The following MAGOH variants were observed in gnomAD, a reference collection of about 807,000 sequenced individuals.
MAGOH encodes the protein mago homolog, exon junction complex subunit.
In MAGOH, 3 loss-of-function variants were observed where a neutral mutation model predicts 20.9. The observed-to-expected ratio is 0.14, with a 90% CI of 0.07 to 0.37. The LOEUF is 0.37. Ranked by LOEUF, MAGOH falls within the 10% of genes least tolerant of loss-of-function variation. The pLI is 1.00. For synonymous variants in MAGOH, 51 were observed against 61.0 expected, an observed-to-expected ratio of 0.84 and a Z score of 0.76; for missense variants, 66 against 178.1, an observed-to-expected ratio of 0.37 and a Z score of 3.58.
At chr1:53,229,052 C>T (rs1645573579) in intron 3 of MAGOH, 98 bp from the exon 4 acceptor site, 2 of 776,808 alleles carry the variant, frequency 2.6e-6, no homozygotes, top group African/African-American at 1.7e-5. Context: ...AACTTGACTA[C>T]AGATGGCCAC....
At chr1:53,227,185 G>T in intron 4 of MAGOH, 41 bp from the exon 5 acceptor site, 2 of 1,135,268 alleles carry the variant, frequency 1.8e-6, no homozygotes, top group South Asian at 1.5e-5. Context: ...TTAAAACTTT[G>T]ACCCATCAAG....
chr1:53,227,034 C>CAAAAA lies in MAGOH; in HGVS notation c.*10_*11insTTTTT. 1 of 1,380,214 alleles carries CAAAAA rather than the reference C, an allele frequency of 7.2e-7. No individual in the cohort carries two copies. The highest frequency in any genetic ancestry group is 1.0e-6 in the Non-Finnish European group (1 of 996,960). 85.5% of individuals were successfully genotyped at this position (1,380,214 alleles called of 1,614,324 possible). ...TCCCACCCACCCCCCATGTCCACAC[C>CAAAAA]AATATTCAGTCTAGATTGGTTTAAT... is the stretch of plus-strand genomic sequence containing the variant. On this transcript the variant is annotated 3_prime_UTR_variant, in exon 5 of 5. Transcript: ENST00000371470.
Position 53,233,788 on chromosome 1 carries a change from T to C in MAGOH, c.148-136A>G, listed in dbSNP as rs1162937134. ...TCCTTAAGTGGGAAGACATTCATGC[T>C]CAACCTCGGCATGATGCAGGTGAGG... On this transcript the variant is annotated intron_variant, in intron 2 of 4. Transcript: ENST00000371470. 3 of 647,130 alleles carry C rather than the reference T, an allele frequency of 4.6e-6. No homozygotes were observed. The Admixed American group carries it at 7.6e-5, about 16-fold the overall frequency. 40.1% of individuals were successfully genotyped at this position (647,130 alleles called of 1,614,324 possible).
chr1:53,233,852 C>T, intron 2 of MAGOH, 200 bp from the exon 3 acceptor site: 1 of 499,378 alleles, frequency 2.0e-6, no homozygotes, highest in Admixed American at 3.6e-5. Context: ...ACCTCAGTCC[C>T]CTATCTAGCT....
rs139454801 is a variant in MAGOH at position 53,232,917 on chromosome 1, A to G, written c.258+625T>C. On this transcript the variant is annotated intron_variant, in intron 3 of 4. Coordinates refer to ENST00000371470, the MANE Select transcript of MAGOH (RefSeq NM_002370.4). ...GGAGTTTGAGACTAGCCTGGCCAACATGGTGAAACGCCATCTCTACTACAA... is the reference window on the plus strand; with the variant it reads ...GGAGTTTGAGACTAGCCTGGCCAACGTGGTGAAACGCCATCTCTACTACAA... 7.5e-3 allele frequency among the ~76,000 whole-genome samples: 1,140 copies of G among 152,318 alleles called. 18 individuals carry two copies. Among genetic ancestry groups the G allele is most frequent in the African/African-American group, 0.026 (1,097 of 41,556 alleles).
In MAGOH at chr1:53,238,278, C is replaced by T. The variant is rs1645626425; in HGVS notation, c.88+83G>A. ...TCAGTCCCTCCCTCCTCTAGTTCCC[C>T]ACAGATTTCCGACCCTCGGCCTCCC... On this transcript the variant is annotated intron_variant, in intron 1 of 4. Transcript: ENST00000371470. The T allele has an allele frequency of 2.3e-6, 3 of 1,282,698 alleles. No individual in the cohort carries two copies. In the East Asian group the frequency reaches 6.9e-5, roughly 30 times the overall value. The allele number at this position is 1,282,698 out of a possible 1,614,324, so 79.5% of individuals were successfully genotyped here.
rs749774597 is a variant in MAGOH, at chr1:53,235,555, TCAGAAGG to T, written c.147+15_147+21del. ...CTGAAATGTAGCAAATGAAGGACTCTCAGAAGGCAGAAGGCTCATACCTCTTTTCTGA... is the reference window on the plus strand; with the variant it reads ...CTGAAATGTAGCAAATGAAGGACTCTCAGAAGGCTCATACCTCTTTTCTGA... On this transcript the variant is annotated intron_variant, in intron 2 of 4. Transcript: ENST00000371470. The T allele has an allele frequency of 6.2e-7, 1 of 1,607,292 alleles. No homozygotes were observed. Among genetic ancestry groups the T allele is most frequent in the Admixed American group, 1.7e-5 (1 of 59,676 alleles).
intron 1 of MAGOH, among the ~76,000 whole-genome samples, chr1:53,237,370 T>C (rs1481096157): frequency 1.3e-5 from 2 of 151,566 alleles, no homozygotes; most frequent in Non-Finnish European, 2.9e-5. Context: ...ACATTTCTTC[T>C]CTGCTTAAAA....
At chr1:53,238,077 C>A (rs1013695785) in intron 1 of MAGOH, among the ~76,000 whole-genome samples, 1 of 152,202 alleles carries the variant, frequency 6.6e-6, no homozygotes, top group Non-Finnish European at 1.5e-5. Flanking sequence ...TCTCTCCCGG[C>A]AGTAAAACAC....
rs1371827678 is a variant in MAGOH, at chr1:53,238,350, G to C, written c.88+11C>G. 5.6e-6 allele frequency: 9 copies of C among 1,613,906 alleles called. No homozygotes were observed. Among genetic ancestry groups the C allele is most frequent in the Non-Finnish European group, 6.8e-6 (8 of 1,179,794 alleles). ...GGTCCCCGCTCCCGGCGGGCGGCAGGCTGCTTTTACCGTCCGGTCGAAACT... is the reference window on the plus strand; with the variant it reads ...GGTCCCCGCTCCCGGCGGGCGGCAGCCTGCTTTTACCGTCCGGTCGAAACT... On this transcript the variant is annotated intron_variant, in intron 1 of 4. Coordinates refer to ENST00000371470, the MANE Select transcript of MAGOH (RefSeq NM_002370.4).
intron 4 of MAGOH, 141 bp from the exon 5 acceptor site, chr1:53,227,285 C>T (rs1194195767): frequency 2.1e-6 from 1 of 473,850 alleles, no homozygotes; most frequent in Non-Finnish European, 3.8e-6. Flanking sequence ...GAAATGCTTA[C>T]ATTAAGTGAA....
At chr1:53,230,623 G>A (rs939128076) in intron 3 of MAGOH, among the ~76,000 whole-genome samples, 2 of 151,562 alleles carry the variant, frequency 1.3e-5, no homozygotes, top group African/African-American at 4.9e-5. Context: ...AGAAAAAAAG[G>A]TCTCACTGTG....
intron 1 of MAGOH, among the ~76,000 whole-genome samples, chr1:53,237,673 C>CAAAAAAAAAAAAAAA (rs1231950502): frequency 0.059 from 3,264 of 54,924 alleles, 364 homozygotes; most frequent in East Asian, 0.095. Context: ...AAAGCCGTCT[C>CAAAAAAAAAAAAAAA]AAAAAAAAAA....
At position 53,227,426 on chromosome 1, in the gene MAGOH, G is replaced by C. The variant is rs570478711; in HGVS notation, c.342-282C>G. On this transcript the variant is annotated intron_variant, in intron 4 of 4. Transcript: ENST00000371470. ...AGAAATACTGCAAGATAGTAATAAT[G>C]GTTGTCTGATTGATAAACTTGTGGA... Among the ~76,000 whole-genome samples, 8 of 152,212 alleles carry C rather than the reference G, an allele frequency of 5.3e-5. No homozygotes were observed. In the South Asian group the frequency reaches 1.7e-3, roughly 32 times the overall value.
chr1:53,237,673 C>CAAAAAAAAAAAAAAAA (rs1231950502), intron 1 of MAGOH, among the ~76,000 whole-genome samples: 873 of 55,158 alleles, frequency 0.016, 71 homozygotes, highest in East Asian at 0.064. Context: ...AAAGCCGTCT[C>CAAAAAAAAAAAAAAAA]AAAAAAAAAA....
At position 53,233,228 on chromosome 1, in the gene MAGOH, AC is replaced by A. The variant is rs1395981656; in HGVS notation, c.258+313del. 4 of 201,808 alleles carry A rather than the reference AC, an allele frequency of 2.0e-5. No individual in the cohort carries two copies. The East Asian group carries it at 4.9e-4, about 25-fold the overall frequency. 12.5% of individuals were successfully genotyped at this position (201,808 alleles called of 1,614,324 possible). ...GATGGTAGCAGTCAAGAGTGAAAAT[AC>A]CTTTTCTGTTAATTCAGTTCAATAT... On this transcript the variant is annotated intron_variant, in intron 3 of 4. Coordinates refer to ENST00000371470, the MANE Select transcript of MAGOH (RefSeq NM_002370.4).
intron 2 of MAGOH, 34 bp downstream of exon 2, chr1:53,235,543 A>T: frequency 6.3e-7 from 1 of 1,583,998 alleles, no homozygotes; most frequent in Non-Finnish European, 8.7e-7. Flanking sequence ...AAATGTAGCA[A>T]ATGAAGGACT....
intron 3 of MAGOH, among the ~76,000 whole-genome samples, chr1:53,230,920 T>G (rs538859573): frequency 3.8e-4 from 58 of 152,358 alleles, no homozygotes; most frequent in African/African-American, 1.4e-3. Context: ...TTTTAAATTT[T>G]TATTCCTATA....
intron 3 of MAGOH, among the ~76,000 whole-genome samples, chr1:53,230,100 C>T (rs1645578871): frequency 6.6e-6 from 1 of 152,202 alleles, no homozygotes; most frequent in Non-Finnish European, 1.5e-5. Flanking sequence ...TGGGTGCTGG[C>T]TATTGTTCTC....
Sources: gnomAD v4.1 joint callset for allele counts (sites outside exome capture counted in the v4.1 genomes callset) on GRCh38, gnomAD v4.1.1 for gene constraint, MANE v1.5 for transcripts, NCBI Gene and HGNC (gene_info 2026-07-23, HGNC 2026-07-21) for gene names.